The following SMCO4 variants were observed in gnomAD, a reference collection of about 807,000 sequenced individuals.
The protein encoded by SMCO4 is single-pass membrane protein with coiled-coil domains 4, also known as single-pass membrane and coiled-coil domain-containing protein 4.
A neutral mutation model predicts 3.6 loss-of-function variants in SMCO4; 4 were observed. The observed-to-expected ratio is 1.11, with a 90% confidence interval of 0.54 to 2.53. The LOEUF is 2.53. Among genes scored for constraint, SMCO4 ranks in the 30% most tolerant of loss-of-function variants. The pLI is 0.02. For missense variants in SMCO4, 70 were observed against 80.8 expected, an observed-to-expected ratio of 0.87 and a Z score of 0.51; for synonymous variants, 36 against 35.3, an observed-to-expected ratio of 1.02 and a Z score of -0.07.
intron 2 of SMCO4, among the ~76,000 whole-genome samples, chr11:93,481,884 A>G (rs923354613): frequency 6.6e-6 from 1 of 152,148 alleles, no homozygotes; most frequent in Non-Finnish European, 1.5e-5. Flanking sequence ...GGGGCTAGCC[A>G]TGCCCTGGCT....
At position 93,478,709 on chromosome 11, in the gene SMCO4, A is replaced by G; in HGVS notation, c.*301T>C. On this transcript the variant is annotated 3_prime_UTR_variant, in exon 3 of 3. Transcript: ENST00000298966. ...ACTTATCGATTTTTAGGAGAGAAAA[A>G]GAAGCACACACACACACACACACAC... The G allele has an allele frequency of 2.5e-6, 1 of 403,266 alleles. No homozygotes were observed. The highest frequency in any genetic ancestry group is 3.2e-6 in the Non-Finnish European group (1 of 308,562). 25.0% of individuals were successfully genotyped at this position (403,266 alleles called of 1,614,324 possible).
chr11:93,537,516 A>G (rs1272916029), intron 1 of SMCO4, among the ~76,000 whole-genome samples: 2 of 152,218 alleles, frequency 1.3e-5, no homozygotes, highest in East Asian at 1.9e-4. Flanking sequence ...CCTTTGATAA[A>G]TATCTTTTTT....
chr11:93,536,862 A>AC (rs1464068530), intron 1 of SMCO4, among the ~76,000 whole-genome samples: 1 of 152,252 alleles, frequency 6.6e-6, no homozygotes, highest in Non-Finnish European at 1.5e-5. Flanking sequence ...AAATTGCTGC[A>AC]CCAATTTGAA....
chr11:93,544,907 C>T (rs956330443), upstream of SMCO4, among the ~76,000 whole-genome samples: 1 of 152,148 alleles, frequency 6.6e-6, no homozygotes, highest in African/African-American at 2.4e-5. Context: ...ATTTAAGGAG[C>T]ATCTTTTTAG....
At chr11:93,535,556 T>TGAAGAA in intron 1 of SMCO4, 7 of 1,467,490 alleles carry the variant, frequency 4.8e-6, no homozygotes, top group Non-Finnish European at 6.7e-6. Context: ...CATATCACCT[T>TGAAGAA]GAAGAAGTAT....
chr11:93,480,997 A>G (rs1198832550), intron 2 of SMCO4, among the ~76,000 whole-genome samples: 1 of 152,058 alleles, frequency 6.6e-6, no homozygotes, highest in Non-Finnish European at 1.5e-5. Flanking sequence ...GGGAAGCGCC[A>G]TTTGGGCAAA....
At chr11:93,546,543 C>G (rs1447887211), upstream of SMCO4, among the ~76,000 whole-genome samples, 1 of 152,158 alleles carries the variant, frequency 6.6e-6, no homozygotes, top group Non-Finnish European at 1.5e-5. Flanking sequence ...TAGAGATCAT[C>G]TAACCCACCA....
At chr11:93,511,426 A>C (rs1948955875) in intron 1 of SMCO4, among the ~76,000 whole-genome samples, 1 of 152,186 alleles carries the variant, frequency 6.6e-6, no homozygotes, top group African/African-American at 2.4e-5. Flanking sequence ...CGTTGATAAA[A>C]AGAAAAAAAA....
chr11:93,481,390 G>A (rs1005007773), intron 2 of SMCO4: 2 of 981,110 alleles, frequency 2.0e-6, no homozygotes, highest in African/African-American at 3.5e-5. Flanking sequence ...CGGGTGCACT[G>A]AGCTCCTCTA....
chr11:93,490,477 G>C (rs1948701858), intron 2 of SMCO4, among the ~76,000 whole-genome samples: 1 of 152,160 alleles, frequency 6.6e-6, no homozygotes, highest in Non-Finnish European at 1.5e-5. Flanking sequence ...TAGAAAATAT[G>C]TGTTTATATA....
intron 1 of SMCO4, among the ~76,000 whole-genome samples, chr11:93,521,055 GCTTTC>G (rs1949053325): frequency 6.6e-6 from 1 of 152,172 alleles, no homozygotes; most frequent in Admixed American, 6.5e-5. Flanking sequence ...AAAGCACCTG[GCTTTC>G]CTAAGAAATG....
At chr11:93,514,068 C>T (rs11020394) in intron 1 of SMCO4, among the ~76,000 whole-genome samples, 2 of 151,908 alleles carry the variant, frequency 1.3e-5, no homozygotes, top group African/African-American at 2.4e-5. Flanking sequence ...TGCTGCCTGT[C>T]GTAGGTGCTC....
chr11:93,552,152 CT>C, the SMCO4 span, among the ~76,000 whole-genome samples: 11,097 of 108,824 alleles, frequency 0.1, 199 homozygotes, highest in African/African-American at 0.15. Flanking sequence ...CTCATCACTA[CT>C]TTTTTTTTTT....
chr11:93,532,912 G>T (rs893592882), intron 1 of SMCO4, among the ~76,000 whole-genome samples: 3 of 152,154 alleles, frequency 2.0e-5, no homozygotes, highest in African/African-American at 7.2e-5. Flanking sequence ...CTAGAAAATA[G>T]GCCCCATGAG....
intron 1 of SMCO4, among the ~76,000 whole-genome samples, chr11:93,519,117 C>T (rs189370019): frequency 3.9e-4 from 59 of 152,272 alleles, no homozygotes; most frequent in Admixed American, 2.6e-4. Context: ...GATACGAAAG[C>T]ATCAGAACCA....
Position 93,478,934 on chromosome 11 carries a change from G to A in SMCO4, c.*76C>T, listed in dbSNP as rs1341771550. The A allele has an allele frequency of 6.6e-6, 10 of 1,512,172 alleles. No individual in the cohort carries two copies. The Admixed American group carries it at 1.8e-4, about 27-fold the overall frequency. The allele number at this position is 1,512,172 out of a possible 1,614,324, so 93.7% of individuals were successfully genotyped here. On this transcript the variant is annotated 3_prime_UTR_variant, in exon 3 of 3. Coordinates refer to ENST00000298966, the MANE Select transcript of SMCO4 (RefSeq NM_020179.3). ...CAGCAACATGAACATCTCTGAATAT[G>A]AAAGCCATTTTTTGTTTGCGTCCCC...
upstream of SMCO4, among the ~76,000 whole-genome samples, chr11:93,546,253 T>C (rs1197259549): frequency 6.6e-6 from 1 of 152,234 alleles, no homozygotes; most frequent in Non-Finnish European, 1.5e-5. Flanking sequence ...TAGCAGAGCA[T>C]CACACTTCAT....
At chr11:93,486,489 T>C (rs1014137934) in intron 2 of SMCO4, among the ~76,000 whole-genome samples, 3 of 152,190 alleles carry the variant, frequency 2.0e-5, no homozygotes, top group African/African-American at 7.2e-5. Context: ...GTCTGTTGCT[T>C]ACAATCAGGC....
At chr11:93,530,004 C>A (rs1015679760) in intron 1 of SMCO4, among the ~76,000 whole-genome samples, 6 of 152,258 alleles carry the variant, frequency 3.9e-5, no homozygotes, top group African/African-American at 1.4e-4. Flanking sequence ...TCCTCCCTGT[C>A]CCACATTTTC....
Sources: gnomAD v4.1 joint callset for allele counts (sites outside exome capture counted in the v4.1 genomes callset) on GRCh38, gnomAD v4.1.1 for gene constraint, MANE v1.5 for transcripts, NCBI Gene and HGNC (gene_info 2026-07-23, HGNC 2026-07-21) for gene names.